DGKI: variants seen among roughly 807,000 people sequenced by gnomAD.
DGKI encodes the protein diacylglycerol kinase iota.
Under a neutral mutation model 147.5 loss-of-function variants are expected in DGKI, and 55 were observed. The observed-to-expected ratio is 0.37, with a 90% CI of 0.30 to 0.47. DGKI has a LOEUF of 0.47. Among genes scored for constraint, DGKI ranks in the 20% least tolerant of loss-of-function variants. DGKI has a pLI of 1.00. For missense variants in DGKI, 1,007 were observed against 1,323.8 expected (o/e 0.76, Z 3.71); for synonymous variants, 469 against 477.1 (o/e 0.98, Z 0.22).
At chr7:137,517,254 A>C in intron 21 of DGKI, among the ~76,000 whole-genome samples, 1 of 125,974 alleles carries the variant, frequency 7.9e-6, no homozygotes, top group Non-Finnish European at 1.6e-5. Context: ...AGAAAAGAAA[A>C]AGAAAGAAAG....
chr7:137,738,734 C>G (rs3800646), intron 1 of DGKI, among the ~76,000 whole-genome samples: 15,532 of 150,128 alleles, frequency 0.1, 1,365 homozygotes, highest in African/African-American at 0.24. Context: ...TCCCCCCCCC[C>G]CTTTCCTTTT....
intron 1 of DGKI, among the ~76,000 whole-genome samples, chr7:137,842,807 T>C (rs1390041640): frequency 2.0e-5 from 3 of 151,938 alleles, no homozygotes; most frequent in South Asian, 4.1e-4. Flanking sequence ...TAAAATTATA[T>C]AGACAAAGGG....
intron 1 of DGKI, among the ~76,000 whole-genome samples, chr7:137,713,213 G>A (rs533391941): frequency 6.6e-6 from 1 of 152,246 alleles, no homozygotes; most frequent in South Asian, 2.1e-4. Flanking sequence ...GATAAACATA[G>A]CAACCAGCAC....
intron 28 of DGKI, among the ~76,000 whole-genome samples, chr7:137,435,566 C>T (rs1195683763): frequency 1.3e-5 from 2 of 151,862 alleles, no homozygotes; most frequent in South Asian, 2.1e-4. Flanking sequence ...TGAGCTAAAG[C>T]GGGAAGAGAA....
intron 3 of DGKI, among the ~76,000 whole-genome samples, chr7:137,678,147 AC>A (rs1823100704): frequency 6.6e-6 from 1 of 151,806 alleles, no homozygotes. Context: ...TTCCACCTTC[AC>A]CCACCAGTAA....
intron 27 of DGKI, among the ~76,000 whole-genome samples, chr7:137,456,389 C>T (rs1417511734): frequency 6.6e-6 from 1 of 152,074 alleles, no homozygotes; most frequent in Non-Finnish European, 1.5e-5. Context: ...TATAAATAGA[C>T]ACGTATTTAT....
At chr7:137,521,158 C>G (rs1205268768) in intron 21 of DGKI, among the ~76,000 whole-genome samples, 1 of 151,952 alleles carries the variant, frequency 6.6e-6, no homozygotes, top group Admixed American at 6.6e-5. Context: ...TTATTTTAAC[C>G]AATTACCTCA....
At position 137,645,085 on chromosome 7, in the gene DGKI, C is replaced by T. The variant is rs1435786958; in HGVS notation, c.804+387G>A. Among the ~76,000 whole-genome samples the T allele has an allele frequency of 2.0e-5, 3 of 152,216 alleles. No individual in the cohort carries two copies. In the East Asian group the frequency reaches 5.8e-4, roughly 29 times the overall value. ...TCTGACCATGTTGTCCTAAACAGTTCCGCCCAAACACAATTTTATATTAGC... is the reference window on the plus strand; with the variant it reads ...TCTGACCATGTTGTCCTAAACAGTTTCGCCCAAACACAATTTTATATTAGC... On this transcript the variant is annotated intron_variant, in intron 6 of 32. Transcript: ENST00000614521.
chr7:137,472,292 G>GTATATATACATATAATTATTATA (rs1814963598), intron 23 of DGKI, among the ~76,000 whole-genome samples: 1 of 1,856 alleles, frequency 5.4e-4, no homozygotes, highest in Non-Finnish European at 2.5e-3. Flanking sequence ...TTATATGTAT[G>GTATATATACATATAATTATTATA]TGTATATTTA....
intron 2 of DGKI, among the ~76,000 whole-genome samples, chr7:137,682,934 G>A (rs1045422811): frequency 2.0e-5 from 3 of 152,072 alleles, no homozygotes; most frequent in Non-Finnish European, 2.9e-5. Flanking sequence ...AATAGTCTTG[G>A]TCTATGACAT....
At chr7:137,490,496 A>G (rs1009946713) in intron 21 of DGKI, among the ~76,000 whole-genome samples, 2 of 152,218 alleles carry the variant, frequency 1.3e-5, no homozygotes, top group African/African-American at 4.8e-5. Context: ...ATAGTACTAC[A>G]AGGATTAGCT....
At chr7:137,638,487 T>C (rs28714611) in intron 6 of DGKI, among the ~76,000 whole-genome samples, 2,471 of 121,594 alleles carry the variant, frequency 0.02, 307 homozygotes, top group African/African-American at 0.079. Flanking sequence ...TGTATATATA[T>C]ACACACATAT....
At position 137,407,896 on chromosome 7, in the gene DGKI, C is replaced by T; in HGVS notation, c.2899G>A (p.Val967Met). 2.5e-6 allele frequency: 4 copies of T among 1,614,134 alleles called. No homozygotes were observed. The highest frequency in any genetic ancestry group is 3.4e-6 in the Non-Finnish European group (4 of 1,179,956). The change falls in exon 30 of 33, where the codon GTG becomes ATG. Residue 967 changes from valine (V) to methionine (M), a missense_variant. Val to Met is a conservative substitution (Grantham distance 21). This residue lies in a region of DGKI where 385 missense variants were observed against 445.2 expected (regional missense o/e 0.86). Coordinates refer to ENST00000614521, the MANE Select transcript of DGKI (RefSeq NM_001321708.2). ...YAAKTGNGEI[V>M]KYILDHGPSE... ...TTACCGTGGTCAAGGATATATTTCA[C>T]AATCTCCCCGTTGCCGGTTTTAGCT... is the stretch of plus-strand genomic sequence containing the variant.
chr7:137,683,186 A>G (rs1407720738), intron 2 of DGKI, among the ~76,000 whole-genome samples: 9 of 151,792 alleles, frequency 5.9e-5, no homozygotes, highest in Admixed American at 5.9e-4. Context: ...TAACGTTAGT[A>G]TAAATTTAGT....
intron 6 of DGKI, among the ~76,000 whole-genome samples, chr7:137,638,700 G>GTACGCACATAGATATACATATA (rs1157339180): frequency 6.8e-4 from 96 of 140,642 alleles, no homozygotes; most frequent in Non-Finnish European, 1.3e-3. Flanking sequence ...AGATACATAT[G>GTACGCACATAGATATACATATA]TACGCACATA....
At chr7:137,764,001 T>TTTAAATAAATGCA (rs1403001817) in intron 1 of DGKI, among the ~76,000 whole-genome samples, 2 of 152,362 alleles carry the variant, frequency 1.3e-5, no homozygotes, top group East Asian at 3.9e-4. Context: ...GTTTGCATAT[T>TTTAAATAAATGCA]GTCACAACAT....
At chr7:137,567,264 C>CAAAA (rs3083517) in intron 19 of DGKI, among the ~76,000 whole-genome samples, 3,453 of 124,550 alleles carry the variant, frequency 0.028, 106 homozygotes, top group African/African-American at 0.073. Context: ...AACTCCATCT[C>CAAAA]AAAAAAAAAA....
At chr7:137,765,216 T>C (rs1795978824) in intron 1 of DGKI, among the ~76,000 whole-genome samples, 1 of 152,218 alleles carries the variant, frequency 6.6e-6, no homozygotes, top group South Asian at 2.1e-4. Context: ...ACTGAGCTTT[T>C]AGTCAAATAA....
chr7:137,474,043 A>G (rs1022356597), intron 23 of DGKI, among the ~76,000 whole-genome samples: 2 of 152,142 alleles, frequency 1.3e-5, no homozygotes, highest in African/African-American at 4.8e-5. Flanking sequence ...ACTTTTGTGA[A>G]GCTCTTTCCA....
Sources: gnomAD v4.1 joint callset for allele counts (sites outside exome capture counted in the v4.1 genomes callset) on GRCh38, gnomAD v4.1.1 for gene constraint, gnomAD v4.1.1 regional missense constraint, MANE v1.5 for transcripts, NCBI Gene and HGNC (gene_info 2026-07-23, HGNC 2026-07-21) for gene names.